Variants in GAB3 observed in about 807,000 individuals in gnomAD.
The protein encoded by GAB3 is GRB2 associated binding protein 3.
In GAB3, 12 loss-of-function variants were observed where a neutral mutation model predicts 40.4. That is an observed-to-expected ratio of 0.30 (90% CI 0.19 to 0.48). GAB3 has a LOEUF of 0.48. Among genes scored for constraint, GAB3 ranks in the 20% least tolerant of loss-of-function variants. The pLI is 0.99. For missense variants in GAB3, 381 were observed against 461.9 expected, an observed-to-expected ratio of 0.82 and a Z score of 1.61; for synonymous variants, 154 against 176.7, an observed-to-expected ratio of 0.87 and a Z score of 1.02.
At chrX:154,685,921 A>G (rs1028379456) in intron 8 of GAB3, among the ~76,000 whole-genome samples, 1 of 112,045 alleles carries the variant, frequency 8.9e-6, no homozygotes, top group Admixed American at 9.5e-5. Context: ...TCAAGGTGGT[A>G]TAATCCAAAT....
chrX:154,688,126 C>A (rs2070486844), intron 8 of GAB3, among the ~76,000 whole-genome samples: 1 of 111,788 alleles, frequency 8.9e-6, no homozygotes, highest in Admixed American at 9.5e-5. Flanking sequence ...CATAACAATC[C>A]ATTAAGGAAA....
rs782580659 is a variant in GAB3 at position 154,700,038 on chromosome X, A to G, written c.1091T>C (p.Leu364Ser). ...ACTAAGCCGCTTGTCTCGGTGTCTTAAGGATTGGCCTTCTACATCAGCTGC... is the reference window on the plus strand; with the variant it reads ...ACTAAGCCGCTTGTCTCGGTGTCTTGAGGATTGGCCTTCTACATCAGCTGC... ...TWKADVEGQS[L>S]RHRDKRLSLN... The change falls in exon 5 of 10, where the codon TTA (leucine) becomes TCA (serine). Residue 364 changes from leucine (L) to serine (S), a missense_variant. By Grantham distance (145) the Leu-to-Ser change is moderately radical. Coordinates refer to ENST00000424127, the MANE Select transcript of GAB3 (RefSeq NM_001081573.3). 2.2e-5 allele frequency: 26 copies of G among 1,206,929 alleles called. No individual in the cohort carries two copies. The South Asian group carries it at 3.4e-4, about 16-fold the overall frequency.
rs782473857 is a variant in GAB3, at chrX:154,678,306, G to A, written c.1648-12C>T. The stretch of plus-strand genomic sequence containing the variant: ...GAAAGGAGAAGTTTCTGAAGGAGGA[G>A]AACAAAAAGGTTTTCATTACATCTA... On this transcript the variant is annotated splice_polypyrimidine_tract_variant and intron_variant, in intron 9 of 9. Coordinates refer to ENST00000424127, the MANE Select transcript of GAB3 (RefSeq NM_001081573.3). 7 of 919,083 alleles carry A rather than the reference G, an allele frequency of 7.6e-6. No homozygotes were observed. The highest frequency in any genetic ancestry group is 2.0e-5 in the African/African-American group (1 of 50,459). 75.7% of individuals were successfully genotyped at this position (919,083 alleles called of 1,213,427 possible).
At chrX:154,730,498 G>A (rs1267684960) in intron 1 of GAB3, among the ~76,000 whole-genome samples, 2 of 111,919 alleles carry the variant, frequency 1.8e-5, no homozygotes, top group African/African-American at 6.5e-5. Context: ...GAGATTTTTG[G>A]TAACCTCCCA....
At chrX:154,707,768 T>C (rs1298788509) in intron 4 of GAB3, among the ~76,000 whole-genome samples, 1 of 112,011 alleles carries the variant, frequency 8.9e-6, no homozygotes, top group Non-Finnish European at 1.9e-5. Context: ...AAAGCTATTA[T>C]TATTTGCAGG....
At chrX:154,717,467 T>A (rs1366159560) in intron 1 of GAB3, among the ~76,000 whole-genome samples, 4 of 111,812 alleles carry the variant, frequency 3.6e-5, no homozygotes, top group African/African-American at 1.3e-4. Context: ...TTTTCCTTAA[T>A]GGAATAGGAA....
intron 1 of GAB3, among the ~76,000 whole-genome samples, chrX:154,725,007 C>CT (rs1268153170): frequency 9.0e-6 from 1 of 111,111 alleles, no homozygotes. Context: ...TCAAATATGA[C>CT]TGGTGTCTTC....
At chrX:154,732,759 A>G (rs1362627749) in intron 1 of GAB3, among the ~76,000 whole-genome samples, 4 of 110,942 alleles carry the variant, frequency 3.6e-5, no homozygotes, top group Non-Finnish European at 7.6e-5. Flanking sequence ...TACAGCCCCA[A>G]ATGAATTTTT....
At chrX:154,705,048 C>T (rs1012581805) in intron 4 of GAB3, among the ~76,000 whole-genome samples, 1 of 110,534 alleles carries the variant, frequency 9.0e-6, no homozygotes, top group Non-Finnish European at 1.9e-5. Flanking sequence ...TCAAACTATC[C>T]CCCACAAAAT....
rs1433446861 is a variant in GAB3, at chrX:154,677,910, CTTTGCTCCAATA to C, written c.*256_*267del. 2 of 298,397 alleles carry C rather than the reference CTTTGCTCCAATA, an allele frequency of 6.7e-6. No homozygotes were observed. Among genetic ancestry groups the C allele is most frequent in the Non-Finnish European group, 1.2e-5 (2 of 173,053 alleles). 24.6% of individuals were successfully genotyped at this position (298,397 alleles called of 1,213,427 possible). On this transcript the variant is annotated 3_prime_UTR_variant, in exon 10 of 10. Transcript: ENST00000424127. The stretch of plus-strand genomic sequence containing the variant: ...TGTTGGTGGCAACACTCACTCCAAT[CTTTGCTCCAATA>C]GGACAGAGGGGAGGCTAGATTCTCT...
At chrX:154,696,970 C>T (rs368007069) in intron 7 of GAB3, among the ~76,000 whole-genome samples, 162 bp downstream of exon 7, 2 of 112,582 alleles carry the variant, frequency 1.8e-5, no homozygotes, top group East Asian at 2.8e-4. Context: ...AGACATATTC[C>T]TTCCTTTGTG....
chrX:154,721,430 G>A (rs1005456980), intron 1 of GAB3, among the ~76,000 whole-genome samples: 11 of 112,313 alleles, frequency 9.8e-5, no homozygotes, highest in Middle Eastern at 4.6e-3. Context: ...AAGGGCAAGC[G>A]AGTGCACGCA....
intron 1 of GAB3, among the ~76,000 whole-genome samples, chrX:154,722,583 A>T (rs2071151010): frequency 8.9e-6 from 1 of 112,457 alleles, no homozygotes; most frequent in Non-Finnish European, 1.9e-5. Context: ...ATTATATACA[A>T]TAAAATTTAC....
chrX:154,704,309 CATTAGACAGAATAAGACCTAA>C, intron 4 of GAB3, among the ~76,000 whole-genome samples: 1 of 111,201 alleles, frequency 9.0e-6, no homozygotes, highest in Non-Finnish European at 1.9e-5. Flanking sequence ...TACACAAATT[CATTAGACAGAATAAGACCTAA>C]TATTTGACCA....
intron 4 of GAB3, among the ~76,000 whole-genome samples, chrX:154,706,922 A>G (rs782516078): frequency 8.9e-5 from 2 of 22,468 alleles, no homozygotes; most frequent in Non-Finnish European, 2.1e-4. Context: ...CTTGTTTCTG[A>G]AAAAAAAAAA....
At chrX:154,750,252 T>C (rs1557262508) in intron 1 of GAB3, among the ~76,000 whole-genome samples, 1 of 112,453 alleles carries the variant, frequency 8.9e-6, no homozygotes, top group Non-Finnish European at 1.9e-5. Context: ...AGGACGCTGA[T>C]GGAGATAATG....
At chrX:154,691,515 GAAAGT>G (rs1294069604) in intron 8 of GAB3, among the ~76,000 whole-genome samples, 1 of 111,864 alleles carries the variant, frequency 8.9e-6, no homozygotes, top group African/African-American at 3.2e-5. Context: ...CTGTAAGAAA[GAAAGT>G]AAAGGAGACA....
intron 8 of GAB3, among the ~76,000 whole-genome samples, chrX:154,684,646 A>G (rs1449810595): frequency 9.0e-6 from 1 of 111,329 alleles, no homozygotes; most frequent in Non-Finnish European, 1.9e-5. Flanking sequence ...TGATTTTGTT[A>G]TTTTGTTAGT....
At chrX:154,718,798 A>G (rs954250069) in intron 1 of GAB3, among the ~76,000 whole-genome samples, 1 of 112,050 alleles carries the variant, frequency 8.9e-6, no homozygotes. Context: ...GGTGGGGGAA[A>G]TGTAAAGAGG....
Sources: allele counts gnomAD v4.1 joint callset (sites outside exome capture counted in the v4.1 genomes callset), GRCh38; gene constraint gnomAD v4.1.1; transcripts MANE v1.5; gene names NCBI Gene and HGNC (gene_info 2026-07-23, HGNC 2026-07-21).